VWA5A: variants seen among roughly 807,000 people sequenced by gnomAD.
VWA5A encodes the protein von Willebrand factor A domain containing 5A.
A neutral mutation model predicts 84.6 loss-of-function variants in VWA5A; 77 were observed. The observed-to-expected ratio is 0.91, with a 90% CI of 0.76 to 1.10. VWA5A has a LOEUF of 1.10. Among genes scored for constraint, VWA5A ranks in the 50% least tolerant of loss-of-function variants. The pLI is 0.00. For synonymous variants in VWA5A, 334 were observed against 350.1 expected (o/e 0.95, Z 0.51); for missense variants, 973 against 963.0 (o/e 1.01, Z -0.14).
chr11:124,117,591 C>A lies in VWA5A; in HGVS notation c.43+37C>A, dbSNP rs1864852532. On this transcript the variant is annotated intron_variant, in intron 3 of 18. Coordinates refer to ENST00000456829, the MANE Select transcript of VWA5A (RefSeq NM_001130142.2). ...TTGTGACTCTTACTTGCCATTGAAT[C>A]TTTGGCACCTATCACAAGGCTTGAT... 1.9e-6 allele frequency: 3 copies of A among 1,613,966 alleles called. No individual in the cohort carries two copies. In the African/African-American group the frequency reaches 4.0e-5, roughly 22 times the overall value.
chr11:124,141,784 G>A (rs2276052), intron 16 of VWA5A, 43 bp downstream of exon 16: 2 of 1,606,066 alleles, frequency 1.2e-6, no homozygotes, highest in Non-Finnish European at 1.7e-6. Context: ...ATGTTTTTCT[G>A]TCACATATAC....
chr11:124,117,639 A>C, intron 3 of VWA5A, 34 bp from the exon 4 acceptor site: 1 of 1,614,202 alleles, frequency 6.2e-7, no homozygotes, highest in East Asian at 2.2e-5. Context: ...AATCTATTGA[A>C]GCTTGATGAA....
At chr11:124,123,218 A>C (rs997578859) in intron 8 of VWA5A, 89 bp downstream of exon 8, 57 of 1,538,334 alleles carry the variant, frequency 3.7e-5, no homozygotes, top group Non-Finnish European at 4.8e-5. Context: ...GGAGCCTGAG[A>C]GAGCAGCACG....
rs1210362758 is a variant in VWA5A, at chr11:124,123,356, T to C, written c.931-10T>C. On this transcript the variant is annotated splice_polypyrimidine_tract_variant and intron_variant, in intron 8 of 18. Transcript: ENST00000456829. Reference sequence around the variant, plus strand: ...TCTCACTCTGTCTCTTCATACTCTCTTACCTTCAGGAAACACTGATTTTGC... The same window carrying C: ...TCTCACTCTGTCTCTTCATACTCTCCTACCTTCAGGAAACACTGATTTTGC... The C allele has an allele frequency of 1.2e-6, 2 of 1,612,300 alleles. No homozygotes were observed. The highest frequency in any genetic ancestry group is 1.7e-6 in the Non-Finnish European group (2 of 1,179,312).
intron 7 of VWA5A, among the ~76,000 whole-genome samples, chr11:124,120,736 T>C (rs1591356869): frequency 1.3e-5 from 2 of 152,324 alleles, no homozygotes; most frequent in Middle Eastern, 6.8e-3. Context: ...TTCCTTTCCT[T>C]ATGGTGACTA....
intron 11 of VWA5A, among the ~76,000 whole-genome samples, chr11:124,128,499 C>A (rs1400154024): frequency 6.6e-6 from 1 of 152,108 alleles, no homozygotes; most frequent in East Asian, 1.9e-4. Flanking sequence ...TATATGGGCT[C>A]TTTTTTGGTT....
At chr11:124,124,441 C>T in intron 11 of VWA5A, 125 bp downstream of exon 11, 1 of 1,411,662 alleles carries the variant, frequency 7.1e-7, no homozygotes, top group Admixed American at 3.5e-5. Flanking sequence ...TTAGTTTTAG[C>T]AGCTGAAAAT....
intron 11 of VWA5A, among the ~76,000 whole-genome samples, chr11:124,125,975 C>T (rs574768260): frequency 6.6e-6 from 1 of 152,286 alleles, no homozygotes; most frequent in Admixed American, 6.5e-5. Flanking sequence ...TGACCCTATT[C>T]CATTTATGGA....
Position 124,146,263 on chromosome 11 carries a change from C to A in VWA5A, c.*318C>A. On this transcript the variant is annotated 3_prime_UTR_variant, in exon 19 of 19. Transcript: ENST00000456829. ...CAACATGAAAAACAGGTGACATGAA[C>A]TACAGACTAAAGATTGCAGCATTTA... The A allele has an allele frequency of 4.1e-6, 1 of 245,894 alleles. No homozygotes were observed. Among genetic ancestry groups the A allele is most frequent in the Non-Finnish European group, 7.8e-6 (1 of 127,568 alleles). 15.2% of individuals were successfully genotyped at this position (245,894 alleles called of 1,614,324 possible). A position where few individuals can be genotyped will look rare whatever the true frequency, so the allele number is the denominator to read the frequency against.
rs1864835509 is a variant in VWA5A at position 124,116,649 on chromosome 11, C to G, written c.-47C>G. The G allele has an allele frequency of 6.6e-6, 1 of 152,264 alleles. No individual in the cohort carries two copies. The allele number at this position is 152,264 out of a possible 1,614,324, so 9.4% of individuals were successfully genotyped here. On this transcript the variant is annotated 5_prime_UTR_variant, in exon 2 of 19. Coordinates refer to ENST00000456829, the MANE Select transcript of VWA5A (RefSeq NM_001130142.2). The stretch of plus-strand genomic sequence containing the variant: ...CTGAGCATCCTCTCCTCTCCTCACA[C>G]CTGCCACTGTCCTCTGCGTTGCTGT...
At chr11:124,134,804 A>G (rs1865148499) in intron 11 of VWA5A, 116 bp from the exon 12 acceptor site, 3 of 679,136 alleles carry the variant, frequency 4.4e-6, no homozygotes, top group African/African-American at 3.7e-5. Flanking sequence ...GGTAGCTGTT[A>G]CACTTTTGGT....
At chr11:124,118,441 G>A in intron 5 of VWA5A, 30 bp downstream of exon 5, 2 of 1,611,920 alleles carry the variant, frequency 1.2e-6, no homozygotes, top group Non-Finnish European at 1.7e-6. Context: ...GAATTCTAGT[G>A]GTGGGTGACA....
chr11:124,147,405 C>T lies in VWA5A; in HGVS notation c.*1460C>T, dbSNP rs374266707. Reference sequence around the variant, plus strand: ...CCACTCAGAATTCCTAGAGGAACATCGGTGACTTTTCACTCAGAAAGTGGG... The same window carrying T: ...CCACTCAGAATTCCTAGAGGAACATTGGTGACTTTTCACTCAGAAAGTGGG... On this transcript the variant is annotated 3_prime_UTR_variant, in exon 19 of 19. Transcript: ENST00000456829. 3.9e-5 allele frequency: 6 copies of T among 152,298 alleles called. No individual in the cohort carries two copies. The highest frequency in any genetic ancestry group is 3.9e-4 in the East Asian group (2 of 5,178). The allele number at this position is 152,298 out of a possible 1,614,324, so 9.4% of individuals were successfully genotyped here. A position where few individuals can be genotyped will look rare whatever the true frequency, so the allele number is the denominator to read the frequency against.
chr11:124,142,609 G>A, intron 17 of VWA5A, 37 bp downstream of exon 17: 1 of 1,611,852 alleles, frequency 6.2e-7, no homozygotes, highest in Non-Finnish European at 8.5e-7. Context: ...GTATGTTTTT[G>A]AGAGAGAGGT....
chr11:124,129,000 A>G (rs1865059050), intron 11 of VWA5A, among the ~76,000 whole-genome samples: 1 of 152,342 alleles, frequency 6.6e-6, no homozygotes, highest in South Asian at 2.1e-4. Context: ...TGCCCTGGCC[A>G]GAACTTCCAA....
At chr11:124,136,532 A>T (rs759501329) in intron 13 of VWA5A, 42 bp from the exon 14 acceptor site, 1 of 1,590,438 alleles carries the variant, frequency 6.3e-7, no homozygotes. Flanking sequence ...GATGATCAGA[A>T]CATTACATGT....
At chr11:124,128,264 T>C (rs923245401) in intron 11 of VWA5A, among the ~76,000 whole-genome samples, 9 of 152,226 alleles carry the variant, frequency 5.9e-5, no homozygotes, top group African/African-American at 2.2e-4. Flanking sequence ...ATTTATTAAA[T>C]AGGAAATCCT....
rs1030353348 is a variant in VWA5A, at chr11:124,135,452, C to T, written c.1359+418C>T. 7.3e-5 allele frequency among the ~76,000 whole-genome samples: 11 copies of T among 150,336 alleles called. No individual in the cohort carries two copies. In the East Asian group the frequency reaches 1.4e-3, roughly 19 times the overall value. ...AATAATCATGATATGTCTAATGGAT[C>T]GGAAGAGGTAGTAAATTGCTATTCC... On this transcript the variant is annotated intron_variant, in intron 12 of 18. Transcript: ENST00000456829.
chr11:124,123,934 GA>G (rs370550251), intron 10 of VWA5A, 130 bp downstream of exon 10: 1,475 of 1,116,746 alleles, frequency 1.3e-3, no homozygotes, highest in East Asian at 2.4e-3. Context: ...ATAGTAAACA[GA>G]AAAAAAAAAG....
Sources: allele counts gnomAD v4.1 joint callset (sites outside exome capture counted in the v4.1 genomes callset), GRCh38; gene constraint gnomAD v4.1.1; transcripts MANE v1.5; gene names NCBI Gene and HGNC (gene_info 2026-07-23, HGNC 2026-07-21).